The following HIPK2 variants were observed in gnomAD, a reference collection of about 807,000 sequenced individuals.
HIPK2 encodes the protein homeodomain-interacting protein kinase 2.
A neutral mutation model predicts 113.7 loss-of-function variants in HIPK2; 27 were observed. That is an observed-to-expected ratio of 0.24 (90% CI 0.17 to 0.33). The LOEUF (loss-of-function observed/expected upper bound fraction) is 0.33, where lower values mean the gene tolerates loss of function less well. Ranked by LOEUF, HIPK2 falls within the 10% of genes least tolerant of loss-of-function variation. HIPK2 has a pLI of 1.00. For missense variants in HIPK2, 1,257 were observed against 1,588.0 expected (o/e 0.79, Z 3.54); for synonymous variants, 631 against 642.2 (o/e 0.98, Z 0.26).
chr7:139,652,865 C>T (rs1172253156), intron 2 of HIPK2, among the ~76,000 whole-genome samples: 4 of 151,934 alleles, frequency 2.6e-5, no homozygotes, highest in African/African-American at 9.7e-5. Context: ...TGTTCAGGGC[C>T]GGCACGGTGG....
At chr7:139,633,210 T>C (rs774194537) in intron 2 of HIPK2, among the ~76,000 whole-genome samples, 38 of 151,986 alleles carry the variant, frequency 2.5e-4, no homozygotes, top group Non-Finnish European at 4.9e-4. Flanking sequence ...CACTAAGAGA[T>C]GGTAGAAGAG....
At chr7:139,771,642 C>G (rs1425505857) in intron 1 of HIPK2, among the ~76,000 whole-genome samples, 1 of 152,094 alleles carries the variant, frequency 6.6e-6, no homozygotes, top group African/African-American at 2.4e-5. Flanking sequence ...CAGGGGTTCA[C>G]GATGATGCAA....
chr7:139,725,566 A>G (rs1569481477), intron 1 of HIPK2, among the ~76,000 whole-genome samples: 1 of 152,238 alleles, frequency 6.6e-6, no homozygotes, highest in East Asian at 1.9e-4. Flanking sequence ...TCATCTTCTG[A>G]TAACTTCTAT....
At chr7:139,643,944 C>T (rs1183084173) in intron 2 of HIPK2, among the ~76,000 whole-genome samples, 2 of 152,160 alleles carry the variant, frequency 1.3e-5, no homozygotes, top group African/African-American at 4.8e-5. Flanking sequence ...CCATGAAGCT[C>T]TGCGTTGCTG....
intron 2 of HIPK2, among the ~76,000 whole-genome samples, chr7:139,684,026 T>G (rs907321869): frequency 1.3e-5 from 2 of 152,176 alleles, no homozygotes; most frequent in Admixed American, 1.3e-4. Context: ...AGTACCATTT[T>G]TCCAAAAGCA....
chr7:139,698,026 C>T (rs1794611555), intron 2 of HIPK2, among the ~76,000 whole-genome samples: 1 of 152,066 alleles, frequency 6.6e-6, no homozygotes, highest in Non-Finnish European at 1.5e-5. Context: ...CCACGCCTGG[C>T]TAGTTTTTTG....
In HIPK2 at chr7:139,614,317, T is replaced by C. The variant is rs1203894414; in HGVS notation, c.1959A>G (p.Gln653=). The change falls in exon 8 of 15, where the codon CAA becomes CAG. Residue 653 remains glutamine (Q), a synonymous_variant. Transcript: ENST00000406875. Reference sequence around the variant, plus strand: ...AGCCGGGGGGACACACGATGAGAGCTTGCTGGAACGGGTCAGGCCGGGCAC... The same window carrying C: ...AGCCGGGGGGACACACGATGAGAGCCTGCTGGAACGGGTCAGGCCGGGCAC... ...QICARPDPFQ[Q]ALIVCPPGFQ... 3 of 1,550,412 alleles carry C rather than the reference T, an allele frequency of 1.9e-6. No individual in the cohort carries two copies. The highest frequency in any genetic ancestry group is 2.7e-5 in the African/African-American group (2 of 73,220).
At chr7:139,629,114 T>C (rs1800528091) in intron 4 of HIPK2, 75 bp from the exon 5 acceptor site, 2 of 1,209,504 alleles carry the variant, frequency 1.7e-6, no homozygotes, top group African/African-American at 3.0e-5. Context: ...TTGGAACTCC[T>C]GTGTCTCACA....
intron 1 of HIPK2, among the ~76,000 whole-genome samples, chr7:139,774,993 T>C (rs1018509748): frequency 2.6e-5 from 4 of 152,240 alleles, no homozygotes; most frequent in Admixed American, 2.6e-4. Flanking sequence ...ACAGCATTTC[T>C]GTCTAAATCT....
intron 1 of HIPK2, among the ~76,000 whole-genome samples, chr7:139,719,865 C>T (rs559760501): frequency 6.6e-6 from 1 of 152,338 alleles, no homozygotes; most frequent in Non-Finnish European, 1.5e-5. Flanking sequence ...ATCTAGACAT[C>T]TCATCTACCT....
chr7:139,692,335 G>C (rs1041060829), intron 2 of HIPK2, among the ~76,000 whole-genome samples: 2 of 152,154 alleles, frequency 1.3e-5, no homozygotes, highest in African/African-American at 4.8e-5. Flanking sequence ...TAAAATCTGT[G>C]CATTAAGCTC....
intron 14 of HIPK2, 79 bp downstream of exon 14, chr7:139,575,048 GC>G: frequency 6.8e-7 from 1 of 1,476,468 alleles, no homozygotes; most frequent in South Asian, 1.4e-5. Flanking sequence ...GTGAGGGGCC[GC>G]CACAGCAATC....
chr7:139,746,203 G>C (rs1016957663), intron 1 of HIPK2, among the ~76,000 whole-genome samples: 11 of 152,192 alleles, frequency 7.2e-5, no homozygotes, highest in African/African-American at 2.7e-4. Context: ...CCTGGAACTT[G>C]TTCCAGTCAG....
intron 1 of HIPK2, among the ~76,000 whole-genome samples, chr7:139,771,175 A>AT (rs1796642882): frequency 6.6e-6 from 1 of 152,156 alleles, no homozygotes; most frequent in Admixed American, 6.5e-5. Flanking sequence ...CTCAGAATCT[A>AT]TAACGAATTT....
At chr7:139,770,160 T>C (rs955494827) in intron 1 of HIPK2, among the ~76,000 whole-genome samples, 1 of 152,248 alleles carries the variant, frequency 6.6e-6, no homozygotes, top group Non-Finnish European at 1.5e-5. Context: ...AAAACGTACA[T>C]GCTGGTTTTT....
At position 139,613,457 on chromosome 7, in the gene HIPK2, G is replaced by A; in HGVS notation, c.1991-134C>T. The A allele has an allele frequency of 2.0e-5, 21 of 1,027,586 alleles. No individual in the cohort carries two copies. The highest frequency in any genetic ancestry group is 2.6e-5 in the Non-Finnish European group (19 of 720,900). 63.7% of individuals were successfully genotyped at this position (1,027,586 alleles called of 1,614,324 possible). ...TGGTCACTGACAACAACCAGGTATT[G>A]CCTGGTCCTTGGAAGTCTCCCCTTT... is the stretch of plus-strand genomic sequence containing the variant. On this transcript the variant is annotated intron_variant, in intron 8 of 14. Transcript: ENST00000406875. The surrounding 1 kb of genome is among the most constrained non-coding windows in gnomAD (Gnocchi z 4.2).
intron 2 of HIPK2, among the ~76,000 whole-genome samples, chr7:139,707,549 T>G (rs1026877635): frequency 3.9e-5 from 6 of 152,180 alleles, no homozygotes; most frequent in Non-Finnish European, 8.8e-5. Context: ...CTTTTCAGTT[T>G]AATGAGAGAT....
chr7:139,689,929 G>A (rs562185683), intron 2 of HIPK2, among the ~76,000 whole-genome samples: 140 of 152,174 alleles, frequency 9.2e-4, no homozygotes, highest in African/African-American at 3.0e-3. Context: ...GGGGAAAGAC[G>A]CTGGGTGGAT....
rs900514591 is a variant in HIPK2, at chr7:139,683,448, C to T, written c.1103+32484G>A. 7.9e-5 allele frequency among the ~76,000 whole-genome samples: 12 copies of T among 152,178 alleles called. No homozygotes were observed. Among genetic ancestry groups the T allele is most frequent in the East Asian group, 1.9e-4 (1 of 5,184 alleles). On this transcript the variant is annotated intron_variant, in intron 2 of 14. Transcript: ENST00000406875. This position sits in a 1 kb window ranked among gnomAD's most constrained non-coding sequence, Gnocchi z 4.2. ...GTCTGTGAGCCTCAGCTCCTCCCTA[C>T]GGGGGCCTCCACAGGACTGCTCACA...
Sources: allele counts gnomAD v4.1 joint callset (sites outside exome capture counted in the v4.1 genomes callset), GRCh38; gene constraint gnomAD v4.1.1; non-coding constraint Gnocchi (gnomAD v3.1); transcripts MANE v1.5; gene names NCBI Gene and HGNC (gene_info 2026-07-23, HGNC 2026-07-21).